The following GLB1L3 variants were observed in gnomAD, a reference collection of about 807,000 sequenced individuals.
The protein encoded by GLB1L3 is beta-galactosidase-1-like protein 3.
In GLB1L3, 89 loss-of-function variants were observed where a neutral mutation model predicts 89.5. The observed-to-expected ratio is 0.99, with a 90% CI of 0.84 to 1.19. The LOEUF is 1.19. Ranked by LOEUF, GLB1L3 falls within the 50% of genes most tolerant of loss-of-function variation. GLB1L3 has a pLI of 0.00. For missense variants in GLB1L3, 812 were observed against 813.3 expected (o/e 1.00, Z 0.02); for synonymous variants, 314 against 312.3 (o/e 1.01, Z -0.06).
chr11:134,277,694 C>T lies in GLB1L3; in HGVS notation c.150-6C>T. ...CCACTTTCTTTCCCTCGCCCGCCCC[C>T]TCCAGGTTTAATTGGTCTCATCTGA... On this transcript the variant is annotated splice_polypyrimidine_tract_variant and splice_region_variant and intron_variant, in intron 2 of 19. Coordinates refer to ENST00000431683, the MANE Select transcript of GLB1L3 (RefSeq NM_001080407.3). The T allele has an allele frequency of 6.2e-7, 1 of 1,601,422 alleles. No homozygotes were observed. The highest frequency in any genetic ancestry group is 8.5e-7 in the Non-Finnish European group (1 of 1,173,664).
rs529941429 is a variant in GLB1L3 at position 134,315,978 on chromosome 11, T to G, written c.1779+1537T>G. ...TCCTCTAAGTTTTAAAAAGATTTTTTGAGGTAAAATTACATAACATAAAAT... is the reference window on the plus strand; with the variant it reads ...TCCTCTAAGTTTTAAAAAGATTTTTGGAGGTAAAATTACATAACATAAAAT... On this transcript the variant is annotated intron_variant, in intron 18 of 19. Transcript: ENST00000431683. Among the ~76,000 whole-genome samples the G allele has an allele frequency of 5.3e-5, 8 of 152,322 alleles. No homozygotes were observed. In the South Asian group the frequency reaches 1.7e-3, roughly 32 times the overall value.
intron 9 of GLB1L3, among the ~76,000 whole-genome samples, chr11:134,294,176 C>T (rs1441934794): frequency 2.0e-5 from 3 of 151,994 alleles, no homozygotes; most frequent in Non-Finnish European, 4.4e-5. Context: ...AAGCGATTCT[C>T]CTGCCTCAGC....
At position 134,286,935 on chromosome 11, in the gene GLB1L3, T is replaced by C. The variant is rs959532313; in HGVS notation, c.637-1863T>C. On this transcript the variant is annotated intron_variant, in intron 6 of 19. Coordinates refer to ENST00000431683, the MANE Select transcript of GLB1L3 (RefSeq NM_001080407.3). ...CAGCACTTTGGGAGGCCGAGGTGGGTGGATCACGAGGTCAGGAGATCAAGA... is the reference window on the plus strand; with the variant it reads ...CAGCACTTTGGGAGGCCGAGGTGGGCGGATCACGAGGTCAGGAGATCAAGA... Among the ~76,000 whole-genome samples the C allele has an allele frequency of 2.8e-4, 43 of 150,996 alleles. 1 individual carries two copies. The South Asian group carries it at 3.6e-3, about 13-fold the overall frequency.
At chr11:134,280,007 T>C (rs1324470868) in intron 3 of GLB1L3, among the ~76,000 whole-genome samples, 1 of 152,086 alleles carries the variant, frequency 6.6e-6, no homozygotes, top group Admixed American at 6.5e-5. Flanking sequence ...CTTTTGTGTT[T>C]TCTAATATAT....
chr11:134,321,506 C>G (rs1430095133), downstream of GLB1L3, among the ~76,000 whole-genome samples: 1 of 152,110 alleles, frequency 6.6e-6, no homozygotes, highest in Non-Finnish European at 1.5e-5. Context: ...GTAGCAAAGA[C>G]TTGGAACCAA....
intron 6 of GLB1L3, chr11:134,286,963 A>G (rs1476562630): frequency 1.3e-5 from 2 of 150,230 alleles, no homozygotes; most frequent in Admixed American, 6.6e-5. Flanking sequence ...GATCAAGACC[A>G]TCCTGGCTAA....
intron 6 of GLB1L3, among the ~76,000 whole-genome samples, chr11:134,288,597 G>A (rs938596824): frequency 3.9e-5 from 6 of 152,130 alleles, no homozygotes; most frequent in Non-Finnish European, 5.9e-5. Context: ...GTACTGTAAC[G>A]CACTAGGGAA....
intron 9 of GLB1L3, chr11:134,305,067 T>A: frequency 1.3e-6 from 2 of 1,545,116 alleles, no homozygotes; most frequent in Non-Finnish European, 1.7e-6. Context: ...TAGGCAGGGA[T>A]GAATTCTTAT....
At chr11:134,312,598 A>G (rs1430941641) in intron 14 of GLB1L3, 109 bp downstream of exon 14, 2 of 1,352,250 alleles carry the variant, frequency 1.5e-6, no homozygotes, top group African/African-American at 1.4e-5. Flanking sequence ...GACCTACTAT[A>G]TGGGAGGCAT....
At chr11:134,299,658 T>C (rs1941839824) in intron 9 of GLB1L3, among the ~76,000 whole-genome samples, 1 of 152,190 alleles carries the variant, frequency 6.6e-6, no homozygotes, top group Admixed American at 6.5e-5. Context: ...AATCTGTTGC[T>C]TGCGGATCTC....
In GLB1L3 at chr11:134,319,239, C is replaced by T; in HGVS notation, c.*297C>T. On this transcript the variant is annotated 3_prime_UTR_variant, in exon 20 of 20. Transcript: ENST00000431683. Reference sequence around the variant, plus strand: ...AAAGTACTGGGATTACAGGCGTGAGCCACCACTCCCGGCCGTGAACATATT... The same window carrying T: ...AAAGTACTGGGATTACAGGCGTGAGTCACCACTCCCGGCCGTGAACATATT... 7.3e-6 allele frequency: 2 copies of T among 273,586 alleles called. No homozygotes were observed. Among genetic ancestry groups the T allele is most frequent in the Non-Finnish European group, 1.4e-5 (2 of 145,110 alleles). 16.9% of individuals were successfully genotyped at this position (273,586 alleles called of 1,614,324 possible).
intron 10 of GLB1L3, among the ~76,000 whole-genome samples, chr11:134,309,114 AAACTT>A (rs1226021867): frequency 6.6e-6 from 1 of 152,220 alleles, no homozygotes; most frequent in African/African-American, 2.4e-5. Context: ...TGATTTCAAA[AAACTT>A]AAGGAAAATT....
chr11:134,310,044 G>A (rs1011753257), intron 11 of GLB1L3: 5 of 476,690 alleles, frequency 1.0e-5, no homozygotes, highest in African/African-American at 3.9e-5. Context: ...GGGTAGGAAC[G>A]GTGACTGCTG....
intron 7 of GLB1L3, chr11:134,289,123 C>A: frequency 2.4e-6 from 1 of 424,630 alleles, no homozygotes; most frequent in Non-Finnish European, 4.2e-6. Context: ...GGAAGCCTTA[C>A]CAATAATAAA....
intron 12 of GLB1L3, 41 bp downstream of exon 12, chr11:134,310,692 T>C (rs774584190): frequency 1.4e-6 from 2 of 1,450,494 alleles, no homozygotes; most frequent in Non-Finnish European, 1.9e-6. Flanking sequence ...GCCCTCCTCA[T>C]GTGGAGTCTC....
downstream of GLB1L3, among the ~76,000 whole-genome samples, chr11:134,322,494 G>A (rs1232100457): frequency 6.6e-6 from 1 of 152,140 alleles, no homozygotes; most frequent in African/African-American, 2.4e-5. Flanking sequence ...TCACGAGATT[G>A]TACCAGCATC....
At position 134,313,922 on chromosome 11, in the gene GLB1L3, C is replaced by T. The variant is rs1292452786; in HGVS notation, c.1580-19C>T. The T allele has an allele frequency of 6.6e-7, 1 of 1,521,262 alleles. No homozygotes were observed. The highest frequency in any genetic ancestry group is 1.1e-5 in the South Asian group (1 of 87,880). The allele number at this position is 1,521,262 out of a possible 1,614,324, so 94.2% of individuals were successfully genotyped here. On this transcript the variant is annotated intron_variant, in intron 16 of 19. Transcript: ENST00000431683. ...TCCTGGCTCATATTCTCTTTCCTGCCTCCCATCTGCATCTGCAGGAATAAC... is the reference window on the plus strand; with the variant it reads ...TCCTGGCTCATATTCTCTTTCCTGCTTCCCATCTGCATCTGCAGGAATAAC...
rs1591525044 is a variant in GLB1L3, at chr11:134,276,448, C to G, written c.-293C>G. The G allele has an allele frequency of 3.0e-6, 1 of 338,046 alleles. No individual in the cohort carries two copies. Among genetic ancestry groups the G allele is most frequent in the South Asian group, 1.5e-4 (1 of 6,856 alleles). 20.9% of individuals were successfully genotyped at this position (338,046 alleles called of 1,614,324 possible). A position where few individuals can be genotyped will look rare whatever the true frequency, so the allele number is the denominator to read the frequency against. Reference sequence around the variant, plus strand: ...GTCGGGGCGTTACCCCAAGGGCCCTCCCGCTTCCCCTCCGAGGGCAGAGAG... The same window carrying G: ...GTCGGGGCGTTACCCCAAGGGCCCTGCCGCTTCCCCTCCGAGGGCAGAGAG... On this transcript the variant is annotated 5_prime_UTR_variant, in exon 1 of 20. Transcript: ENST00000431683.
chr11:134,284,980 G>A (rs1201970848), intron 6 of GLB1L3, among the ~76,000 whole-genome samples: 1 of 137,688 alleles, frequency 7.3e-6, no homozygotes, highest in Non-Finnish European at 1.5e-5. Flanking sequence ...CCAGGCTGGA[G>A]TGCAGTGGCT....
Sources: allele counts gnomAD v4.1 joint callset (sites outside exome capture counted in the v4.1 genomes callset), GRCh38; gene constraint gnomAD v4.1.1; transcripts MANE v1.5; gene names NCBI Gene and HGNC (gene_info 2026-07-23, HGNC 2026-07-21).